The following DNAJC15 variants were observed in gnomAD, a reference collection of about 807,000 sequenced individuals.
The protein encoded by DNAJC15 is DnaJ heat shock protein family (Hsp40) member C15, also known as dnaJ homolog subfamily C member 15.
DNAJC15 carries 27 observed loss-of-function variants against 22.4 expected under a neutral mutation model. The ratio of observed to expected loss-of-function variants is 1.20; its 90% CI spans 0.89 to 1.66. The LOEUF is 1.66. Among genes scored for constraint, DNAJC15 ranks in the 40% most tolerant of loss-of-function variants. DNAJC15 has a pLI of 0.00. For synonymous variants in DNAJC15, 79 were observed against 63.2 expected, an observed-to-expected ratio of 1.25 and a Z score of -1.19; for missense variants, 208 against 187.1, an observed-to-expected ratio of 1.11 and a Z score of -0.65.
Position 43,112,278 on chromosome 13 carries a change from C to T in DNAJC15, c.*5030C>T, listed in dbSNP as rs896570376. On this transcript the variant is annotated 3_prime_UTR_variant, in exon 6 of 6. Coordinates refer to ENST00000379221, the MANE Select transcript of DNAJC15 (RefSeq NM_013238.3). ...CATAATAACCCTTTCCCTCTCTGTTCGATTCAACAGTATCTAGCAGCACTG... is the reference window on the plus strand; with the variant it reads ...CATAATAACCCTTTCCCTCTCTGTTTGATTCAACAGTATCTAGCAGCACTG... 1 of 152,188 alleles carries T rather than the reference C, an allele frequency of 6.6e-6. No individual in the cohort carries two copies. The highest frequency in any genetic ancestry group is 6.5e-5 in the Admixed American group (1 of 15,278). The allele number at this position is 152,188 out of a possible 1,614,324, so 9.4% of individuals were successfully genotyped here.
chr13:43,055,746 C>A (rs1435724705), intron 1 of DNAJC15, among the ~76,000 whole-genome samples: 1 of 151,014 alleles, frequency 6.6e-6, no homozygotes, highest in East Asian at 1.9e-4. Context: ...TTCTCTGATC[C>A]TTCTTTCTAT....
At position 43,107,764 on chromosome 13, in the gene DNAJC15, G is replaced by T. The variant is rs910513614; in HGVS notation, c.*516G>T. The stretch of plus-strand genomic sequence containing the variant: ...AATGTAATGGAATTTATTAAATGGT[G>T]TTTAGTAAAGTAGGGGTTAAGGACT... On this transcript the variant is annotated 3_prime_UTR_variant, in exon 6 of 6. Coordinates refer to ENST00000379221, the MANE Select transcript of DNAJC15 (RefSeq NM_013238.3). 1 of 152,138 alleles carries T rather than the reference G, an allele frequency of 6.6e-6. No individual in the cohort carries two copies. The highest frequency in any genetic ancestry group is 1.5e-5 in the Non-Finnish European group (1 of 68,046). 9.4% of individuals were successfully genotyped at this position (152,138 alleles called of 1,614,324 possible).
At chr13:43,082,830 A>G (rs1377610649) in intron 4 of DNAJC15, among the ~76,000 whole-genome samples, 1 of 150,268 alleles carries the variant, frequency 6.7e-6, no homozygotes, top group African/African-American at 2.5e-5. Context: ...ACAATGGTTC[A>G]GCAGAACATT....
At chr13:43,061,867 T>A (rs2040560795) in intron 1 of DNAJC15, among the ~76,000 whole-genome samples, 1 of 152,124 alleles carries the variant, frequency 6.6e-6, no homozygotes, top group Non-Finnish European at 1.5e-5. Context: ...AAAAGCAAGA[T>A]CTTTAGGAGA....
intron 1 of DNAJC15, among the ~76,000 whole-genome samples, chr13:43,045,203 C>A (rs1159468805): frequency 6.6e-6 from 1 of 152,164 alleles, no homozygotes; most frequent in East Asian, 1.9e-4. Flanking sequence ...ACACTTGTTC[C>A]CATTGCTAGT....
Position 43,049,676 on chromosome 13 carries a change from C to T in DNAJC15, c.109-16010C>T, listed in dbSNP as rs549930384. Among the ~76,000 whole-genome samples the T allele has an allele frequency of 2.4e-4, 36 of 152,296 alleles. 1 individual carries two copies. Among genetic ancestry groups the T allele is most frequent in the African/African-American group, 8.4e-4 (35 of 41,552 alleles). On this transcript the variant is annotated intron_variant, in intron 1 of 5. Transcript: ENST00000379221. ...AGTTACTTACTTAGACTTAGATTGA[C>T]TCCCTTTCTCTTATACTTCTGTTTT...
intron 1 of DNAJC15, among the ~76,000 whole-genome samples, chr13:43,063,312 TA>T (rs1344478844): frequency 6.6e-6 from 1 of 152,226 alleles, no homozygotes; most frequent in African/African-American, 2.4e-5. Context: ...GTCCAGCTTT[TA>T]TTGATAGTAT....
chr13:43,076,585 A>G (rs941403464), intron 3 of DNAJC15, among the ~76,000 whole-genome samples: 1 of 152,232 alleles, frequency 6.6e-6, no homozygotes, highest in African/African-American at 2.4e-5. Context: ...TCATGTAAGC[A>G]TACCTATTTT....
intron 1 of DNAJC15, among the ~76,000 whole-genome samples, chr13:43,034,834 C>G (rs997116655): frequency 1.3e-5 from 2 of 152,126 alleles, no homozygotes; most frequent in Non-Finnish European, 2.9e-5. Context: ...CTTTCTGGCA[C>G]TACATGGTGC....
intron 1 of DNAJC15, among the ~76,000 whole-genome samples, chr13:43,055,530 G>A (rs185830933): frequency 6.3e-4 from 96 of 152,246 alleles, no homozygotes; most frequent in African/African-American, 2.2e-3. Flanking sequence ...TTGACTGTTC[G>A]ACCAAGAGCC....
chr13:43,038,655 G>A (rs1162396360), intron 1 of DNAJC15, among the ~76,000 whole-genome samples: 2 of 152,088 alleles, frequency 1.3e-5, no homozygotes, highest in Non-Finnish European at 2.9e-5. Context: ...AGCCAGGCTT[G>A]GTGGCTGGCT....
chr13:43,047,672 A>G (rs1369183806), intron 1 of DNAJC15, among the ~76,000 whole-genome samples: 1 of 152,228 alleles, frequency 6.6e-6, no homozygotes, highest in Non-Finnish European at 1.5e-5. Context: ...ATTGGAGCCC[A>G]GGCCTGATTA....
chr13:43,058,495 TG>T (rs2040542108), intron 1 of DNAJC15, among the ~76,000 whole-genome samples: 2 of 152,160 alleles, frequency 1.3e-5, no homozygotes, highest in South Asian at 2.1e-4. Flanking sequence ...CTGTGGGGTA[TG>T]GGGGTGTGGT....
At chr13:43,091,880 A>G (rs1365335060) in intron 5 of DNAJC15, among the ~76,000 whole-genome samples, 1 of 152,080 alleles carries the variant, frequency 6.6e-6, no homozygotes, top group Non-Finnish European at 1.5e-5. Context: ...GCTTAATTCC[A>G]TTTGGGAAGA....
intron 5 of DNAJC15, among the ~76,000 whole-genome samples, chr13:43,091,347 C>T (rs982782557): frequency 6.6e-6 from 1 of 152,240 alleles, no homozygotes; most frequent in African/African-American, 2.4e-5. Flanking sequence ...CTTGGCCTCC[C>T]AAAGTGCTGG....
intron 5 of DNAJC15, among the ~76,000 whole-genome samples, chr13:43,089,240 T>C (rs901074384): frequency 6.6e-6 from 1 of 152,194 alleles, no homozygotes; most frequent in African/African-American, 2.4e-5. Context: ...ATTCAAAAAT[T>C]ATTTATTTAG....
In DNAJC15 at chr13:43,074,016, TATA is replaced by T. The variant is rs539928271; in HGVS notation, c.235-4593_235-4591del. ...TTGTGAATCTGTCCTTTTATTTGAA[TATA>T]ATTTTTTAAATTGCATTTATTTTGT... On this transcript the variant is annotated intron_variant, in intron 3 of 5. Coordinates refer to ENST00000379221, the MANE Select transcript of DNAJC15 (RefSeq NM_013238.3). 3.3e-3 allele frequency among the ~76,000 whole-genome samples: 497 copies of T among 152,176 alleles called. 3 individuals carry two copies. Among genetic ancestry groups the T allele is most frequent in the African/African-American group, 0.011 (465 of 41,552 alleles).
intron 1 of DNAJC15, among the ~76,000 whole-genome samples, chr13:43,040,224 C>A (rs2040447118): frequency 6.6e-6 from 1 of 152,148 alleles, no homozygotes; most frequent in Non-Finnish European, 1.5e-5. Context: ...CATGTGCCAG[C>A]CATCAAGACC....
intron 1 of DNAJC15, 145 bp from the exon 2 acceptor site, chr13:43,065,541 T>A: frequency 1.6e-6 from 1 of 622,366 alleles, no homozygotes; most frequent in East Asian, 2.8e-5. Flanking sequence ...CCATAGACAC[T>A]GCATATTTTT....
Sources: allele counts gnomAD v4.1 joint callset (sites outside exome capture counted in the v4.1 genomes callset), GRCh38; gene constraint gnomAD v4.1.1; transcripts MANE v1.5; gene names NCBI Gene and HGNC (gene_info 2026-07-23, HGNC 2026-07-21).